The following ADAMTSL1 variants were observed in gnomAD, a reference collection of about 807,000 sequenced individuals.
ADAMTSL1 encodes the protein ADAMTS-like protein 1.
ADAMTSL1 carries 126 observed loss-of-function variants against 201.8 expected under a neutral mutation model. The observed-to-expected ratio is 0.62, with a 90% confidence interval of 0.54 to 0.72. ADAMTSL1 has a LOEUF of 0.72. ADAMTSL1 is among the 30% of genes least tolerant of loss of function. The pLI is 0.00. For missense variants in ADAMTSL1, 2,679 were observed against 2,277.8 expected, an observed-to-expected ratio of 1.18 and a Z score of -3.59; for synonymous variants, 1,121 against 903.4, an observed-to-expected ratio of 1.24 and a Z score of -4.32.
At chr9:18,839,646 A>G (rs899164884) in intron 23 of ADAMTSL1, among the ~76,000 whole-genome samples, 1 of 152,202 alleles carries the variant, frequency 6.6e-6, no homozygotes, top group Non-Finnish European at 1.5e-5. Context: ...TTACAGTCCC[A>G]CCAACAGTGT....
At chr9:18,227,015 A>T (rs1026699208) in intron 2 of ADAMTSL1, among the ~76,000 whole-genome samples, 3 of 152,152 alleles carry the variant, frequency 2.0e-5, no homozygotes, top group African/African-American at 7.2e-5. Flanking sequence ...TAGCCCAGTT[A>T]GATTTCTCAC....
At chr9:18,832,198 T>G (rs1484885480) in intron 23 of ADAMTSL1, among the ~76,000 whole-genome samples, 1 of 152,172 alleles carries the variant, frequency 6.6e-6, no homozygotes, top group East Asian at 1.9e-4. Context: ...AATGCCCTCC[T>G]TCCATCCTGA....
chr9:17,993,045 A>G (rs917055864), intron 1 of ADAMTSL1, among the ~76,000 whole-genome samples: 1 of 152,214 alleles, frequency 6.6e-6, no homozygotes, highest in Non-Finnish European at 1.5e-5. Context: ...AAATAAGAGA[A>G]TCTATCCCAA....
At chr9:18,136,497 G>A (rs1213505106) in intron 1 of ADAMTSL1, among the ~76,000 whole-genome samples, 1 of 152,074 alleles carries the variant, frequency 6.6e-6, no homozygotes, top group African/African-American at 2.4e-5. Context: ...TGTGTAAACA[G>A]GTACAGAATG....
chr9:18,739,093 A>T (rs970338789), intron 15 of ADAMTSL1, among the ~76,000 whole-genome samples: 1 of 152,204 alleles, frequency 6.6e-6, no homozygotes, highest in East Asian at 1.9e-4. Flanking sequence ...AATAGTACCT[A>T]TATCTTAGGG....
At chr9:18,014,847 G>A (rs1321236087) in intron 1 of ADAMTSL1, among the ~76,000 whole-genome samples, 2 of 151,982 alleles carry the variant, frequency 1.3e-5, no homozygotes, top group Non-Finnish European at 2.9e-5. Context: ...TACCAGGAGT[G>A]TATGCAGCTT....
chr9:18,336,628 T>C (rs1173590899), intron 2 of ADAMTSL1, among the ~76,000 whole-genome samples: 3 of 152,116 alleles, frequency 2.0e-5, no homozygotes, highest in Non-Finnish European at 2.9e-5. Context: ...TCTGTTTTTA[T>C]AGATGGGTGA....
At chr9:18,298,104 T>C (rs1587497027) in intron 2 of ADAMTSL1, among the ~76,000 whole-genome samples, 1 of 152,332 alleles carries the variant, frequency 6.6e-6, no homozygotes, top group East Asian at 1.9e-4. Context: ...TTCTGTGAGC[T>C]AGGACGTATT....
At chr9:18,633,638 CTTTTT>C (rs58807960) in intron 5 of ADAMTSL1, among the ~76,000 whole-genome samples, 1 of 123,790 alleles carries the variant, frequency 8.1e-6, no homozygotes, top group Non-Finnish European at 1.7e-5. Flanking sequence ...CTAATCTTAA[CTTTTT>C]TTTTTTTTTT....
intron 2 of ADAMTSL1, among the ~76,000 whole-genome samples, chr9:18,441,740 C>T (rs1006518271): frequency 1.3e-5 from 2 of 151,984 alleles, no homozygotes; most frequent in Admixed American, 1.3e-4. Flanking sequence ...ATGTGTGTCC[C>T]AGGAGGCAGA....
At chr9:17,982,825 C>A (rs1818763996) in intron 1 of ADAMTSL1, among the ~76,000 whole-genome samples, 1 of 151,956 alleles carries the variant, frequency 6.6e-6, no homozygotes, top group Non-Finnish European at 1.5e-5. Context: ...TCAGAATAAG[C>A]AGTCTCAGCT....
chr9:18,661,856 T>G, intron 8 of ADAMTSL1, 79 bp from the exon 9 acceptor site: 206 of 1,423,706 alleles, frequency 1.4e-4, no homozygotes, highest in Non-Finnish European at 1.8e-4. Flanking sequence ...TCCATTGATG[T>G]GAGCTGGCCA....
At chr9:18,785,098 A>G (rs1271748783) in intron 19 of ADAMTSL1, among the ~76,000 whole-genome samples, 2 of 151,794 alleles carry the variant, frequency 1.3e-5, no homozygotes, top group Non-Finnish European at 2.9e-5. Flanking sequence ...CAGGAGGTGG[A>G]GGTTGCAGTG....
At chr9:18,363,022 A>C (rs1836596619) in intron 2 of ADAMTSL1, among the ~76,000 whole-genome samples, 2 of 152,236 alleles carry the variant, frequency 1.3e-5, no homozygotes, top group Non-Finnish European at 2.9e-5. Context: ...TTTAGAACAA[A>C]AGGACTCAAG....
intron 2 of ADAMTSL1, among the ~76,000 whole-genome samples, chr9:18,441,887 G>A (rs1465913274): frequency 6.6e-6 from 1 of 152,150 alleles, no homozygotes; most frequent in Non-Finnish European, 1.5e-5. Flanking sequence ...TTTTGGTGCT[G>A]CACAAGTGTG....
intron 2 of ADAMTSL1, among the ~76,000 whole-genome samples, chr9:18,243,059 A>C (rs1445603370): frequency 6.6e-6 from 1 of 152,172 alleles, no homozygotes; most frequent in Non-Finnish European, 1.5e-5. Context: ...AAATTAAGAC[A>C]TTACACTTTC....
intron 15 of ADAMTSL1, among the ~76,000 whole-genome samples, chr9:18,743,893 G>T (rs995801167): frequency 6.6e-6 from 1 of 152,096 alleles, no homozygotes; most frequent in Non-Finnish European, 1.5e-5. Context: ...TGATCGCTGG[G>T]TATAACTGCT....
chr9:18,718,119 G>A (rs1220580874), intron 14 of ADAMTSL1: 4 of 1,126,558 alleles, frequency 3.6e-6, no homozygotes, highest in Non-Finnish European at 5.4e-6. Context: ...TTGTTCCATT[G>A]TCTTGCTAGA....
chr9:17,978,780 C>T lies in ADAMTSL1; in HGVS notation c.87+71858C>T, dbSNP rs1395983331. 2.6e-5 allele frequency among the ~76,000 whole-genome samples: 4 copies of T among 151,234 alleles called. No homozygotes were observed. In the South Asian group the frequency reaches 8.3e-4, roughly 32 times the overall value. On this transcript the variant is annotated intron_variant, in intron 1 of 29. Transcript: ENST00000680146. ...TACCTTTACCATTGATTTTTTTTAC[C>T]ATCATATATTTTCTTGTTACTATTA...
Sources: gnomAD v4.1 joint callset for allele counts (sites outside exome capture counted in the v4.1 genomes callset) on GRCh38, gnomAD v4.1.1 for gene constraint, MANE v1.5 for transcripts, NCBI Gene and HGNC (gene_info 2026-07-23, HGNC 2026-07-21) for gene names.